KLF8: variants seen among roughly 807,000 people sequenced by gnomAD.
KLF8 encodes the protein Krueppel-like factor 8.
In KLF8, 10 loss-of-function variants were observed where a neutral mutation model predicts 18.2. That is an observed-to-expected ratio of 0.55 (90% CI 0.34 to 0.93). The LOEUF (loss-of-function observed/expected upper bound fraction) is 0.93. Among genes scored for constraint, KLF8 ranks in the 40% least tolerant of loss-of-function variants. The pLI, the probability that KLF8 is intolerant of heterozygous loss-of-function variation, is 0.02. For synonymous variants in KLF8, 109 were observed against 97.3 expected (o/e 1.12, Z -0.71); for missense variants, 264 against 277.9 (o/e 0.95, Z 0.36).
At chrX:56,086,598 A>G in the KLF8 span, among the ~76,000 whole-genome samples, 1 of 110,950 alleles carries the variant, frequency 9.0e-6, no homozygotes, top group Non-Finnish European at 1.9e-5. Flanking sequence ...TAACACAGAC[A>G]TTTTTTTCTA....
the KLF8 span, among the ~76,000 whole-genome samples, chrX:56,024,665 CAG>C: frequency 1.8e-5 from 2 of 111,864 alleles, no homozygotes; most frequent in African/African-American, 6.5e-5. Flanking sequence ...GGGTATGTGA[CAG>C]GGGCTGCATG....
the KLF8 span, among the ~76,000 whole-genome samples, chrX:56,153,847 A>T: frequency 1.8e-5 from 2 of 111,581 alleles, no homozygotes; most frequent in East Asian, 2.8e-4. Flanking sequence ...CAAAGAGAAT[A>T]AAATACCTAG....
the KLF8 span, among the ~76,000 whole-genome samples, chrX:56,179,204 C>T: frequency 8.9e-6 from 1 of 111,880 alleles, no homozygotes; most frequent in Non-Finnish European, 1.9e-5. Flanking sequence ...AGAGATCTTT[C>T]ACATCCCTTG....
the KLF8 span, among the ~76,000 whole-genome samples, chrX:56,206,158 G>A: frequency 6.8e-4 from 76 of 111,159 alleles, no homozygotes; most frequent in African/African-American, 2.4e-3. Context: ...CCCTTCCCTT[G>A]ACACATGGGG....
At chrX:56,063,325 G>A in the KLF8 span, among the ~76,000 whole-genome samples, 2 of 111,491 alleles carry the variant, frequency 1.8e-5, no homozygotes, top group African/African-American at 6.5e-5. Flanking sequence ...GGTCTTTAGT[G>A]TTCGTGACCT....
the KLF8 span, among the ~76,000 whole-genome samples, chrX:55,934,979 A>G: frequency 8.9e-6 from 1 of 111,830 alleles, no homozygotes; most frequent in African/African-American, 3.3e-5. Flanking sequence ...AAGGGGAGCC[A>G]TATGCATATC....
chrX:56,044,784 A>T, the KLF8 span, among the ~76,000 whole-genome samples: 1 of 112,561 alleles, frequency 8.9e-6, no homozygotes, highest in Non-Finnish European at 1.9e-5. Flanking sequence ...CAAGCCAGTG[A>T]GTCTTAACTT....
the KLF8 span, among the ~76,000 whole-genome samples, chrX:55,981,228 A>G: frequency 8.9e-6 from 1 of 112,007 alleles, no homozygotes; most frequent in African/African-American, 3.2e-5. Flanking sequence ...AGTAATACCA[A>G]CGTTCAAAAG....
chrX:56,112,153 T>TA, the KLF8 span, among the ~76,000 whole-genome samples: 1 of 111,779 alleles, frequency 8.9e-6, no homozygotes, highest in Non-Finnish European at 1.9e-5. Flanking sequence ...TATGCCGCCA[T>TA]AAAAAAGGAT....
At chrX:55,967,326 T>A in the KLF8 span, among the ~76,000 whole-genome samples, 1 of 110,536 alleles carries the variant, frequency 9.0e-6, no homozygotes, top group Non-Finnish European at 1.9e-5. Flanking sequence ...AATCAAACTC[T>A]CAAAGTTCAA....
chrX:56,161,020 G>T, the KLF8 span, among the ~76,000 whole-genome samples: 2 of 111,379 alleles, frequency 1.8e-5, no homozygotes, highest in African/African-American at 6.5e-5. Flanking sequence ...TTTTGCAGTG[G>T]CTGGTACCGG....
At chrX:56,240,015 C>T (rs1264525380) in intron 1 of KLF8, among the ~76,000 whole-genome samples, 1 of 112,057 alleles carries the variant, frequency 8.9e-6, no homozygotes, top group Non-Finnish European at 1.9e-5. Context: ...CCTATACGTT[C>T]AATGATGCGG....
chrX:55,976,036 G>A, the KLF8 span, among the ~76,000 whole-genome samples: 1 of 111,678 alleles, frequency 9.0e-6, no homozygotes, highest in African/African-American at 3.3e-5. Flanking sequence ...TTGAACCTGG[G>A]AGGTGGAAGT....
chrX:56,240,589 A>G (rs2066530854), intron 1 of KLF8, among the ~76,000 whole-genome samples: 1 of 111,931 alleles, frequency 8.9e-6, no homozygotes, highest in Non-Finnish European at 1.9e-5. Flanking sequence ...TATAATTAAC[A>G]TAATAATTAG....
the KLF8 span, among the ~76,000 whole-genome samples, chrX:55,978,669 C>T: frequency 9.0e-6 from 1 of 111,345 alleles, no homozygotes; most frequent in South Asian, 3.8e-4. Context: ...TTAAAGGAAA[C>T]TTAGATGCAT....
the KLF8 span, among the ~76,000 whole-genome samples, chrX:55,949,163 C>T: frequency 5.4e-5 from 6 of 111,753 alleles, no homozygotes; most frequent in East Asian, 2.8e-4. Context: ...TTATGGTTTA[C>T]GACTCAAATT....
the KLF8 span, among the ~76,000 whole-genome samples, chrX:56,147,062 G>T: frequency 9.0e-6 from 1 of 111,573 alleles, no homozygotes; most frequent in Non-Finnish European, 1.9e-5. Flanking sequence ...GTGGAAGAAA[G>T]AAGAAGGTAT....
chrX:55,953,921 A>G, the KLF8 span, among the ~76,000 whole-genome samples: 17 of 109,621 alleles, frequency 1.6e-4, no homozygotes, highest in Non-Finnish European at 1.9e-4. Context: ...CAAACAAACA[A>G]TCAAATTATA....
the KLF8 span, among the ~76,000 whole-genome samples, chrX:56,071,920 G>A: frequency 5.4e-5 from 6 of 111,940 alleles, no homozygotes; most frequent in Middle Eastern, 4.6e-3. Context: ...ATACAGGATT[G>A]GAAGTGAAAT....
Sources: gnomAD v4.1 joint callset for allele counts (sites outside exome capture counted in the v4.1 genomes callset) on GRCh38, gnomAD v4.1.1 for gene constraint, MANE v1.5 for transcripts, NCBI Gene and HGNC (gene_info 2026-07-23, HGNC 2026-07-21) for gene names.